Variants in ADAM22 observed in about 807,000 individuals in gnomAD.
ADAM22 encodes the protein ADAM metallopeptidase domain 22, also known as disintegrin and metalloproteinase domain-containing protein 22.
ADAM22 carries 65 observed loss-of-function variants against 144.6 expected under a neutral mutation model. The observed-to-expected ratio is 0.45, with a 90% CI of 0.37 to 0.55. The LOEUF is 0.55. Ranked by LOEUF, ADAM22 falls within the 20% of genes least tolerant of loss-of-function variation. The probability of loss-of-function intolerance (pLI) is 0.00; values close to 1 mark genes in which losing one functional copy is unlikely to be tolerated. For synonymous variants in ADAM22, 391 were observed against 412.6 expected, an observed-to-expected ratio of 0.95 and a Z score of 0.63; for missense variants, 974 against 1,184.9, an observed-to-expected ratio of 0.82 and a Z score of 2.61.
At chr7:88,032,154 C>T (rs1800417414) in intron 3 of ADAM22, among the ~76,000 whole-genome samples, 1 of 152,232 alleles carries the variant, frequency 6.6e-6, no homozygotes, top group South Asian at 2.1e-4. Flanking sequence ...CCACCATTCT[C>T]CAATCCCCAG....
At chr7:88,009,084 A>G (rs1794727459) in intron 3 of ADAM22, among the ~76,000 whole-genome samples, 3 of 152,122 alleles carry the variant, frequency 2.0e-5, no homozygotes, top group African/African-American at 7.2e-5. Flanking sequence ...TGTGGATTTT[A>G]GTCAAATTTG....
At chr7:88,097,390 C>G (rs138972513) in intron 4 of ADAM22, among the ~76,000 whole-genome samples, 49 of 151,740 alleles carry the variant, frequency 3.2e-4, no homozygotes, top group African/African-American at 1.2e-3. Flanking sequence ...TCAAGCGACC[C>G]ACCCGCCTCA....
At chr7:88,122,028 G>C (rs1829426593) in intron 7 of ADAM22, among the ~76,000 whole-genome samples, 1 of 152,178 alleles carries the variant, frequency 6.6e-6, no homozygotes, top group Admixed American at 6.5e-5. Flanking sequence ...GGATGGCTTA[G>C]ATGGGTTCTC....
At chr7:88,184,461 T>C in intron 29 of ADAM22, 1 of 297,882 alleles carries the variant, frequency 3.4e-6, no homozygotes. Flanking sequence ...ACAAGTCCTT[T>C]CCTTGGCTGA....
intron 5 of ADAM22, among the ~76,000 whole-genome samples, chr7:88,114,333 T>C (rs1218348991): frequency 6.6e-6 from 1 of 152,116 alleles, no homozygotes; most frequent in Non-Finnish European, 1.5e-5. Flanking sequence ...GAAGAAGTGA[T>C]GGGCAACAGC....
intron 17 of ADAM22, among the ~76,000 whole-genome samples, chr7:88,145,842 C>T (rs10238607): frequency 0.15 from 22,898 of 152,096 alleles, 3,183 homozygotes; most frequent in African/African-American, 0.37. Context: ...TTAAATGAAA[C>T]CAGGTGTTAC....
At chr7:88,070,015 G>T (rs1812315586) in intron 3 of ADAM22, among the ~76,000 whole-genome samples, 1 of 151,994 alleles carries the variant, frequency 6.6e-6, no homozygotes, top group South Asian at 2.1e-4. Context: ...TAAAAGAAAT[G>T]TGCCGGGCTT....
intron 3 of ADAM22, among the ~76,000 whole-genome samples, chr7:87,988,245 G>A (rs1308630760): frequency 6.6e-6 from 1 of 152,166 alleles, no homozygotes; most frequent in Non-Finnish European, 1.5e-5. Flanking sequence ...TAGCATCATG[G>A]TTTGATGTTA....
At chr7:88,103,162 C>G (rs1823415173) in intron 4 of ADAM22, among the ~76,000 whole-genome samples, 1 of 151,894 alleles carries the variant, frequency 6.6e-6, no homozygotes, top group Non-Finnish European at 1.5e-5. Flanking sequence ...TGGTTCTGGC[C>G]CATTTTAGAG....
chr7:88,013,854 A>C (rs1476023925), intron 3 of ADAM22, among the ~76,000 whole-genome samples: 2 of 152,248 alleles, frequency 1.3e-5, no homozygotes, highest in Non-Finnish European at 2.9e-5. Context: ...GTTGATGATG[A>C]GAGCGATTTG....
chr7:87,958,749 C>T (rs891920726), intron 2 of ADAM22, among the ~76,000 whole-genome samples: 14 of 152,078 alleles, frequency 9.2e-5, no homozygotes, highest in Non-Finnish European at 1.6e-4. Flanking sequence ...TTTCCATTTT[C>T]CTGATGACTG....
chr7:88,189,893 G>A (rs1170727929), intron 30 of ADAM22, among the ~76,000 whole-genome samples: 1 of 151,210 alleles, frequency 6.6e-6, no homozygotes, highest in Non-Finnish European at 1.5e-5. Context: ...GTAGTGAGCC[G>A]AGATCACACC....
intron 22 of ADAM22, among the ~76,000 whole-genome samples, chr7:88,159,331 A>G (rs1432269052): frequency 1.3e-5 from 2 of 152,154 alleles, no homozygotes; most frequent in African/African-American, 4.8e-5. Context: ...AGATGTACGA[A>G]GAAGAGCTGG....
chr7:88,161,146 A>G (rs1415017677), intron 22 of ADAM22, among the ~76,000 whole-genome samples: 1 of 151,682 alleles, frequency 6.6e-6, no homozygotes, highest in Non-Finnish European at 1.5e-5. Flanking sequence ...CCCCCACCCA[A>G]AAAAAATCAC....
chr7:88,131,463 C>CT (rs1345745155), intron 11 of ADAM22, 28 bp downstream of exon 11: 2 of 1,604,576 alleles, frequency 1.2e-6, no homozygotes, highest in South Asian at 1.1e-5. Flanking sequence ...TGATGTATTA[C>CT]TTTTTTTGAT....
intron 2 of ADAM22, among the ~76,000 whole-genome samples, chr7:87,963,497 T>C (rs565270773): frequency 3.7e-4 from 57 of 152,318 alleles, no homozygotes; most frequent in Middle Eastern, 3.4e-3. Context: ...CTTTTTCCTT[T>C]GTAAAAAAGA....
At chr7:88,071,254 C>T in intron 3 of ADAM22, among the ~76,000 whole-genome samples, 1 of 151,772 alleles carries the variant, frequency 6.6e-6, no homozygotes, top group East Asian at 1.9e-4. Flanking sequence ...TTTTAAGTTC[C>T]AAAACAGTGA....
At chr7:88,141,310 G>A (rs1834564361) in intron 14 of ADAM22, among the ~76,000 whole-genome samples, 1 of 152,142 alleles carries the variant, frequency 6.6e-6, no homozygotes, top group South Asian at 2.1e-4. Context: ...AGGAAGTGGA[G>A]GTGAAGGAAG....
intron 2 of ADAM22, 133 bp downstream of exon 2, chr7:87,935,319 A>T (rs1207770841): frequency 9.7e-7 from 1 of 1,028,118 alleles, no homozygotes; most frequent in Non-Finnish European, 1.4e-6. Context: ...CGAGTCATGC[A>T]TGGCGCTCCC....
Sources: allele counts gnomAD v4.1 joint callset (sites outside exome capture counted in the v4.1 genomes callset), GRCh38; gene constraint gnomAD v4.1.1; transcripts MANE v1.5; gene names NCBI Gene and HGNC (gene_info 2026-07-23, HGNC 2026-07-21).